TRIO: variants seen among roughly 807,000 people sequenced by gnomAD.
TRIO encodes trio Rho guanine nucleotide exchange factor.
A neutral mutation model predicts 351.9 loss-of-function variants in TRIO; 58 were observed. That is an observed-to-expected ratio of 0.16 (90% confidence interval 0.13 to 0.21). The LOEUF is 0.21. TRIO is among the 10% of genes least tolerant of loss of function. The pLI, the probability that TRIO is intolerant of heterozygous loss-of-function variation, is 1.00. For missense variants in TRIO, 3,201 were observed against 4,027.8 expected, an observed-to-expected ratio of 0.79 and a Z score of 5.56; for synonymous variants, 1,758 against 1,595.7, an observed-to-expected ratio of 1.10 and a Z score of -2.42.
At chr5:14,406,480 G>A (rs1748728227) in intron 32 of TRIO, 93 bp from the exon 33 acceptor site, 1 of 1,231,184 alleles carries the variant, frequency 8.1e-7, no homozygotes. Context: ...CACTCACGAA[G>A]GCTGATATGC....
intron 1 of TRIO, among the ~76,000 whole-genome samples, chr5:14,178,165 A>G (rs1387940527): frequency 6.6e-6 from 1 of 152,122 alleles, no homozygotes; most frequent in Non-Finnish European, 1.5e-5. Flanking sequence ...TTCGGCCTTT[A>G]TTACTTTGGA....
At chr5:14,403,851 TG>T (rs1250057951) in intron 31 of TRIO, among the ~76,000 whole-genome samples, 9 of 123,798 alleles carry the variant, frequency 7.3e-5, no homozygotes, top group African/African-American at 2.4e-4. Context: ...GTGCAGGTGG[TG>T]GTGAGGGTGC....
At chr5:14,487,435 C>G (rs752920885) in intron 47 of TRIO, 29 bp from the exon 48 acceptor site, 1 of 1,099,778 alleles carries the variant, frequency 9.1e-7, no homozygotes, top group African/African-American at 1.7e-5. Context: ...GCGCCCTGAC[C>G]CAGTCTCTCC....
chr5:14,348,929 G>GT (rs1192798883), intron 11 of TRIO, among the ~76,000 whole-genome samples: 3 of 150,130 alleles, frequency 2.0e-5, no homozygotes, highest in Admixed American at 2.0e-4. Flanking sequence ...GTGAGCATGT[G>GT]TTTTTCCTGT....
chr5:14,364,370 G>C (rs1262480935), intron 14 of TRIO, among the ~76,000 whole-genome samples: 3 of 150,640 alleles, frequency 2.0e-5, no homozygotes, highest in African/African-American at 7.5e-5. Context: ...AAGTAATGAG[G>C]ATAACAACAA....
At chr5:14,280,892 C>A (rs1188046188) in intron 3 of TRIO, among the ~76,000 whole-genome samples, 1 of 152,040 alleles carries the variant, frequency 6.6e-6, no homozygotes, top group Non-Finnish European at 1.5e-5. Context: ...ATATATTGGG[C>A]GTAGATTTGG....
chr5:14,348,730 ATG>A (rs60570603), intron 11 of TRIO, among the ~76,000 whole-genome samples: 9 of 141,386 alleles, frequency 6.4e-5, no homozygotes, highest in East Asian at 6.2e-4. Flanking sequence ...GCACATGAGC[ATG>A]TGTTTTTCCT....
At chr5:14,396,044 TAAAAAAAAA>T (rs557922366) in intron 28 of TRIO, among the ~76,000 whole-genome samples, 1,169 of 64,554 alleles carry the variant, frequency 0.018, 20 homozygotes, top group African/African-American at 0.055. Context: ...AGACTCCGCC[TAAAAAAAAA>T]AAAAAAAAAA....
intron 18 of TRIO, among the ~76,000 whole-genome samples, chr5:14,373,743 G>A (rs1232985851): frequency 6.6e-6 from 1 of 152,226 alleles, no homozygotes; most frequent in East Asian, 1.9e-4. Context: ...ACCTGTGGCT[G>A]CTTTCATCTG....
intron 3 of TRIO, among the ~76,000 whole-genome samples, chr5:14,281,879 A>G (rs952436486): frequency 2.2e-4 from 33 of 152,318 alleles, no homozygotes; most frequent in African/African-American, 7.2e-4. Flanking sequence ...TAACAGCATA[A>G]TGGGTTTCAG....
chr5:14,486,396 T>TA (rs1755918751), intron 47 of TRIO, among the ~76,000 whole-genome samples: 1 of 152,206 alleles, frequency 6.6e-6, no homozygotes, highest in Non-Finnish European at 1.5e-5. Flanking sequence ...AGCCAAGTGT[T>TA]ATGTGCTGCC....
chr5:14,490,678 G>T, intron 48 of TRIO: 1 of 398,632 alleles, frequency 2.5e-6, no homozygotes. Flanking sequence ...TGGGTTGGTG[G>T]TGAGAATTAA....
intron 1 of TRIO, among the ~76,000 whole-genome samples, chr5:14,153,658 G>A (rs1368200203): frequency 6.6e-6 from 1 of 152,116 alleles, no homozygotes; most frequent in Non-Finnish European, 1.5e-5. Flanking sequence ...TCTGCTTCTG[G>A]TAGGGCAAGC....
In TRIO at chr5:14,492,829, G is replaced by A; in HGVS notation, c.7880+15G>A. 1 of 1,608,628 alleles carries A rather than the reference G, an allele frequency of 6.2e-7. No homozygotes were observed. Among genetic ancestry groups the A allele is most frequent in the Non-Finnish European group, 8.5e-7 (1 of 1,175,970 alleles). On this transcript the variant is annotated intron_variant, in intron 49 of 56. Transcript: ENST00000344204. ...GGGACTCTCAAGTGAGTGCTTGACA[G>A]TAACGGCGTCCTGGCAGGCAGCAGA...
intron 33 of TRIO, among the ~76,000 whole-genome samples, chr5:14,413,906 G>C (rs1421932694): frequency 1.3e-5 from 2 of 152,190 alleles, no homozygotes; most frequent in Non-Finnish European, 2.9e-5. Flanking sequence ...TCTTCCTGGT[G>C]AGGGCCCAGT....
chr5:14,502,541 C>T (rs539678566), intron 53 of TRIO, 38 bp from the exon 54 acceptor site: 31 of 1,610,308 alleles, frequency 1.9e-5, no homozygotes, highest in Admixed American at 1.3e-4. Context: ...AGAAGCTCCA[C>T]GGGAAACAAG....
chr5:14,151,144 G>A (rs1409206158), intron 1 of TRIO, among the ~76,000 whole-genome samples: 1 of 152,146 alleles, frequency 6.6e-6, no homozygotes, highest in African/African-American at 2.4e-5. Context: ...AGTAACTATA[G>A]GAGGTCATTT....
chr5:14,436,180 G>T (rs1751575684), intron 34 of TRIO, among the ~76,000 whole-genome samples: 1 of 152,202 alleles, frequency 6.6e-6, no homozygotes, highest in Non-Finnish European at 1.5e-5. Flanking sequence ...CCATGTGACT[G>T]GGGAGGCGTC....
intron 11 of TRIO, among the ~76,000 whole-genome samples, chr5:14,356,529 A>C (rs1743624346): frequency 6.6e-6 from 1 of 152,206 alleles, no homozygotes; most frequent in Non-Finnish European, 1.5e-5. Context: ...TGCTGGTGGG[A>C]AGGTAAAAAT....
Sources: allele counts gnomAD v4.1 joint callset (sites outside exome capture counted in the v4.1 genomes callset), GRCh38; gene constraint gnomAD v4.1.1; transcripts MANE v1.5; gene names NCBI Gene and HGNC (gene_info 2026-07-23, HGNC 2026-07-21).